Variants in SETDB2 observed in about 807,000 individuals in gnomAD.
SETDB2 encodes SET domain bifurcated histone lysine methyltransferase 2, also known as histone-lysine N-methyltransferase SETDB2.
Under a neutral mutation model 82.5 loss-of-function variants are expected in SETDB2, and 56 were observed. The observed-to-expected ratio is 0.68, with a 90% CI of 0.55 to 0.85. The LOEUF (loss-of-function observed/expected upper bound fraction) is 0.85, where lower values mean the gene tolerates loss of function less well. Among genes scored for constraint, SETDB2 ranks in the 40% least tolerant of loss-of-function variants. SETDB2 has a pLI of 0.00. For synonymous variants in SETDB2, 272 were observed against 284.9 expected (o/e 0.95, Z 0.46); for missense variants, 677 against 816.4 (o/e 0.83, Z 2.08).
chr13:49,472,940 G>A (rs1288229123), intron 5 of SETDB2, among the ~76,000 whole-genome samples: 1 of 152,090 alleles, frequency 6.6e-6, no homozygotes, highest in Non-Finnish European at 1.5e-5. Context: ...TTCTTGAAAT[G>A]TAAATTCCAA....
At chr13:49,456,875 CAAAG>C (rs759214989) in intron 2 of SETDB2, among the ~76,000 whole-genome samples, 7 of 151,744 alleles carry the variant, frequency 4.6e-5, no homozygotes, top group African/African-American at 1.7e-4. Context: ...AGCAAGAAGA[CAAAG>C]AAAAATGATC....
chr13:49,475,085 A>G (rs1297324186), intron 5 of SETDB2, among the ~76,000 whole-genome samples: 1 of 152,248 alleles, frequency 6.6e-6, no homozygotes, highest in East Asian at 1.9e-4. Context: ...TACCAGTTCC[A>G]CATGGCTGGA....
chr13:49,475,554 A>G (rs1181994508), intron 5 of SETDB2, among the ~76,000 whole-genome samples: 1 of 151,698 alleles, frequency 6.6e-6, no homozygotes, highest in African/African-American at 2.4e-5. Context: ...TGGTGTGATC[A>G]TGATTCACTG....
At chr13:49,445,936 C>CAAA (rs34496594) in intron 1 of SETDB2, 55,834 of 130,270 alleles carry the variant, frequency 0.43, 12,580 homozygotes, top group African/African-American at 0.55. Context: ...GACTCCGTCT[C>CAAA]AAAAAAAAAA....
chr13:49,445,549 G>A (rs1208340269), intron 1 of SETDB2: 1 of 152,144 alleles, frequency 6.6e-6, no homozygotes, highest in African/African-American at 2.4e-5. Context: ...ATTGTATTTT[G>A]CAGATTTTCT....
chr13:49,477,473 G>A (rs1443053327), intron 6 of SETDB2, among the ~76,000 whole-genome samples: 1 of 152,024 alleles, frequency 6.6e-6, no homozygotes, highest in Non-Finnish European at 1.5e-5. Flanking sequence ...TCTACAATGG[G>A]AAAATGAACT....
Position 49,476,527 on chromosome 13 carries a change from T to G in SETDB2, c.357T>G (p.Phe119Leu). ...CTCTTGAAGATAAAGTTGTAGACTT[T>G]AGAGAAAAAGACTCATCTTCGAATT... Reference protein sequence around the residue: ...ILSLEDKVVDFREKDSSSNLS... With the variant: ...ILSLEDKVVDLREKDSSSNLS... Residue 119 changes from phenylalanine to leucine, a missense_variant, in exon 6 of 14, where the codon TTT becomes TTG. By Grantham distance (22) the Phe-to-Leu change is conservative. Coordinates refer to ENST00000611815, the MANE Select transcript of SETDB2 (RefSeq NM_001160308.3). 6.2e-7 allele frequency: 1 copy of G among 1,612,570 alleles called. No homozygotes were observed. The highest frequency in any genetic ancestry group is 2.2e-5 in the East Asian group (1 of 44,874).
chr13:49,482,714 A>C, intron 8 of SETDB2, 23 bp from the exon 9 acceptor site: 1 of 1,490,192 alleles, frequency 6.7e-7, no homozygotes, highest in Non-Finnish European at 9.3e-7. Flanking sequence ...TGTTGTTCAA[A>C]CTCTTTAACA....
At chr13:49,474,937 G>A (rs1240159891) in intron 5 of SETDB2, among the ~76,000 whole-genome samples, 3 of 152,230 alleles carry the variant, frequency 2.0e-5, no homozygotes, top group African/African-American at 2.4e-5. Context: ...GGACAGCACA[G>A]GTATAGACCA....
chr13:49,472,280 C>T (rs1566166597), intron 5 of SETDB2, among the ~76,000 whole-genome samples: 1 of 151,984 alleles, frequency 6.6e-6, no homozygotes, highest in Non-Finnish European at 1.5e-5. Flanking sequence ...AAAATATGCC[C>T]CCTTAATGGT....
At chr13:49,486,586 G>A (rs990732691) in intron 11 of SETDB2, among the ~76,000 whole-genome samples, 5 of 152,216 alleles carry the variant, frequency 3.3e-5, no homozygotes, top group Non-Finnish European at 5.9e-5. Context: ...ATTGTGCAAA[G>A]CAGCCACTTT....
chr13:49,473,265 C>G (rs561715410), intron 5 of SETDB2, among the ~76,000 whole-genome samples: 4 of 151,920 alleles, frequency 2.6e-5, no homozygotes, highest in African/African-American at 9.7e-5. Context: ...AATTCATACC[C>G]GAGGCCAGGT....
At chr13:49,490,723 A>C (rs1479351172) in intron 12 of SETDB2, 99 bp from the exon 13 acceptor site, 3 of 754,472 alleles carry the variant, frequency 4.0e-6, no homozygotes, top group Non-Finnish European at 6.2e-6. Flanking sequence ...GAACAAAATC[A>C]GTGTGATATA....
intron 2 of SETDB2, 81 bp downstream of exon 2, chr13:49,451,990 C>A: frequency 9.5e-7 from 1 of 1,050,290 alleles, no homozygotes; most frequent in South Asian, 2.0e-5. Context: ...GTGGAATTGT[C>A]AAGGTTTTGC....
intron 5 of SETDB2, among the ~76,000 whole-genome samples, chr13:49,468,450 C>T (rs1003890860): frequency 1.3e-5 from 2 of 151,628 alleles, no homozygotes; most frequent in Non-Finnish European, 2.9e-5. Flanking sequence ...AGGAGATGTG[C>T]GGAAGAGTGA....
chr13:49,459,122 C>T (rs1340634556), intron 2 of SETDB2, among the ~76,000 whole-genome samples: 1 of 152,160 alleles, frequency 6.6e-6, no homozygotes, highest in Non-Finnish European at 1.5e-5. Flanking sequence ...AGTAGTAAAA[C>T]AACACCCCTC....
rs2138781943 is a variant in SETDB2, at chr13:49,444,718, T to A, written c.-481T>A. The A allele has an allele frequency of 6.5e-6, 1 of 153,332 alleles. No individual in the cohort carries two copies. Among genetic ancestry groups the A allele is most frequent in the South Asian group, 2.0e-4 (1 of 4,960 alleles). The allele number at this position is 153,332 out of a possible 1,614,324, so 9.5% of individuals were successfully genotyped here. A position where few individuals can be genotyped will look rare whatever the true frequency, so the allele number is the denominator to read the frequency against. On this transcript the variant is annotated 5_prime_UTR_variant, in exon 1 of 14. Coordinates refer to ENST00000611815, the MANE Select transcript of SETDB2 (RefSeq NM_001160308.3). Reference sequence around the variant, plus strand: ...TTTCCAACCTCCATTTCAGCCTGTCTGTCTCAGGGTGCAGCCTTAATGAGA... The same window carrying A: ...TTTCCAACCTCCATTTCAGCCTGTCAGTCTCAGGGTGCAGCCTTAATGAGA...
At chr13:49,453,001 G>C (rs1594129630) in intron 2 of SETDB2, among the ~76,000 whole-genome samples, 3 of 152,138 alleles carry the variant, frequency 2.0e-5, no homozygotes, top group Admixed American at 2.0e-4. Flanking sequence ...CCCATTCCCT[G>C]CTATACTCTT....
intron 4 of SETDB2, among the ~76,000 whole-genome samples, chr13:49,466,901 C>T (rs978870441): frequency 2.0e-5 from 3 of 148,666 alleles, no homozygotes; most frequent in Admixed American, 6.8e-5. Context: ...AGTAATCTTC[C>T]CACTTTATCC....
Sources: allele counts gnomAD v4.1 joint callset (sites outside exome capture counted in the v4.1 genomes callset), GRCh38; gene constraint gnomAD v4.1.1; transcripts MANE v1.5; gene names NCBI Gene and HGNC (gene_info 2026-07-23, HGNC 2026-07-21).